Variants in PCDHGA3 observed in about 807,000 individuals in gnomAD.
PCDHGA3 encodes the protein protocadherin gamma-A3.
In PCDHGA3, 40 loss-of-function variants were observed where a neutral mutation model predicts 58.5. That is an observed-to-expected ratio of 0.68 (90% CI 0.53 to 0.89). The LOEUF is 0.89. Among genes scored for constraint, PCDHGA3 ranks in the 40% least tolerant of loss-of-function variants. PCDHGA3 has a pLI of 0.00. For missense variants in PCDHGA3, 1,223 were observed against 1,195.9 expected, an observed-to-expected ratio of 1.02 and a Z score of -0.33; for synonymous variants, 530 against 525.7, an observed-to-expected ratio of 1.01 and a Z score of -0.11.
rs775918752 is a variant in PCDHGA3 at position 141,375,143 on chromosome 5, A to G, written c.2424+28686A>G. On this transcript the variant is annotated intron_variant, in intron 1 of 3. Transcript: ENST00000253812. Reference sequence around the variant, plus strand: ...AGAAGTGGTTGTTACATCTGGAAGCAGAACAATTGCTGAAAGTGCACCTCC... The same window carrying G: ...AGAAGTGGTTGTTACATCTGGAAGCGGAACAATTGCTGAAAGTGCACCTCC... 20 of 1,613,992 alleles carry G rather than the reference A, an allele frequency of 1.2e-5. No homozygotes were observed. The Admixed American group carries it at 2.8e-4, about 23-fold the overall frequency.
intron 3 of PCDHGA3, chr5:141,508,128 T>C (rs1490298338): frequency 6.6e-6 from 1 of 151,706 alleles, no homozygotes; most frequent in African/African-American, 2.4e-5. Context: ...CAGAGGGAGG[T>C]CAGGGAGCTG....
chr5:141,372,154 T>A, intron 1 of PCDHGA3: 1 of 1,613,784 alleles, frequency 6.2e-7, no homozygotes, highest in East Asian at 2.2e-5. Flanking sequence ...CCTGGCTACC[T>A]GGTGACCAAG....
intron 1 of PCDHGA3, chr5:141,417,686 G>A (rs1300052006): frequency 8.4e-6 from 9 of 1,068,196 alleles, no homozygotes; most frequent in South Asian, 1.8e-5. Context: ...CAACAGAAAA[G>A]AAAACCAGCT....
intron 1 of PCDHGA3, chr5:141,404,104 T>C (rs2094485215): frequency 1.2e-6 from 2 of 1,613,640 alleles, no homozygotes; most frequent in East Asian, 2.2e-5. Flanking sequence ...AAGTTGTCTG[T>C]TCTATCCAGG....
chr5:141,489,636 C>T lies in PCDHGA3; in HGVS notation c.2425-5171C>T. On this transcript the variant is annotated intron_variant, in intron 1 of 3. Coordinates refer to ENST00000253812, the MANE Select transcript of PCDHGA3 (RefSeq NM_018916.4). The surrounding 1 kb of genome is among the most constrained non-coding windows in gnomAD (Gnocchi z 4.5). ...TGGATCTCAATGACAACTCTCCTAG[C>T]TTTGCCACCCCTGAGCGAGAGATGC... 1.2e-6 allele frequency: 2 copies of T among 1,614,190 alleles called. No homozygotes were observed. The highest frequency in any genetic ancestry group is 1.7e-6 in the Non-Finnish European group (2 of 1,180,030).
intron 1 of PCDHGA3, chr5:141,427,032 A>G (rs1227315080): frequency 2.2e-6 from 1 of 457,206 alleles, no homozygotes; most frequent in East Asian, 6.9e-5. Flanking sequence ...AGTCAGCCTT[A>G]GAGAGAATGT....
rs375101471 is a variant in PCDHGA3 at position 141,365,778 on chromosome 5, A to G, written c.2424+19321A>G. 86 of 1,613,764 alleles carry G rather than the reference A, an allele frequency of 5.3e-5. No homozygotes were observed. The highest frequency in any genetic ancestry group is 6.9e-5 in the Non-Finnish European group (82 of 1,179,892). ...ACAGCCCATGACCCCGACAGCGGCG[A>G]CAACGCTCGAGTCACCTACTCCCTG... On this transcript the variant is annotated intron_variant, in intron 1 of 3. Coordinates refer to ENST00000253812, the MANE Select transcript of PCDHGA3 (RefSeq NM_018916.4).
rs199698737 is a variant in PCDHGA3, at chr5:141,438,639, C to T, written c.2425-56168C>T. On this transcript the variant is annotated intron_variant, in intron 1 of 3. Transcript: ENST00000253812. ...ATATATATATATATATATATATACA[C>T]ACACACACACACATATATGTATATA... 7.1e-3 allele frequency among the ~76,000 whole-genome samples: 359 copies of T among 50,816 alleles called. 1 individual carries two copies. Among genetic ancestry groups the T allele is most frequent in the South Asian group, 0.017 (27 of 1,588 alleles). The allele number at this position is 50,816 out of a possible 152,430, so 33.3% of individuals were successfully genotyped here.
intron 1 of PCDHGA3, chr5:141,414,994 T>C (rs1390374290): frequency 3.7e-6 from 6 of 1,613,626 alleles, no homozygotes; most frequent in Non-Finnish European, 4.2e-6. Flanking sequence ...CCAGAACGCC[T>C]GGCTGTCCTA....
At chr5:141,388,291 A>G (rs571418912) in intron 1 of PCDHGA3, 114 of 1,613,582 alleles carry the variant, frequency 7.1e-5, no homozygotes, top group Non-Finnish European at 2.5e-6. Context: ...TTCACGCAAA[A>G]TTCCTTTGAG....
At chr5:141,478,884 C>A in intron 1 of PCDHGA3, 1 of 1,194,298 alleles carries the variant, frequency 8.4e-7, no homozygotes, top group Non-Finnish European at 1.1e-6. Flanking sequence ...AGCTTGGTAT[C>A]ATTTACATTA....
chr5:141,457,118 A>G (rs1427146922), intron 1 of PCDHGA3, among the ~76,000 whole-genome samples: 3 of 152,228 alleles, frequency 2.0e-5, no homozygotes, highest in Non-Finnish European at 4.4e-5. Context: ...TACGACAGCA[A>G]TGGAAACTCT....
chr5:141,419,660 A>C (rs759082983), intron 1 of PCDHGA3: 1 of 1,612,798 alleles, frequency 6.2e-7, no homozygotes, highest in Admixed American at 1.7e-5. Context: ...CTCGGGGCAC[A>C]ATGCCTGGCT....
At chr5:141,498,372 C>A (rs1008996197) in intron 2 of PCDHGA3, among the ~76,000 whole-genome samples, 3 of 151,730 alleles carry the variant, frequency 2.0e-5, no homozygotes, top group Admixed American at 1.3e-4. Flanking sequence ...GTGGTGAGGC[C>A]TCCTGGGATC....
At chr5:141,389,424 G>C (rs746873845) in intron 1 of PCDHGA3, 1 of 1,613,390 alleles carries the variant, frequency 6.2e-7, no homozygotes, top group African/African-American at 1.3e-5. Flanking sequence ...GGTGGTGTTC[G>C]CGCAGCGCGC....
rs747671382 is a variant in PCDHGA3 at position 141,444,152 on chromosome 5, A to ATTTTTTTTTT, written c.2425-50628_2425-50619dup. 1.8e-4 allele frequency among the ~76,000 whole-genome samples: 6 copies of ATTTTTTTTTT among 33,898 alleles called. 2 individuals are homozygous for ATTTTTTTTTT. Among genetic ancestry groups the ATTTTTTTTTT allele is most frequent in the Non-Finnish European group, 3.1e-4 (6 of 19,312 alleles). The allele number at this position is 33,898 out of a possible 152,430, so 22.2% of individuals were successfully genotyped here. A position where few individuals can be genotyped will look rare whatever the true frequency, so the allele number is the denominator to read the frequency against. On this transcript the variant is annotated intron_variant, in intron 1 of 3. Coordinates refer to ENST00000253812, the MANE Select transcript of PCDHGA3 (RefSeq NM_018916.4). ...GATATGTGTCACTTGTGTGTACTGG[A>ATTTTTTTTTT]TTTTTTTTTTTTTTTTTTTTTTTTT...
chr5:141,485,625 G>A lies in PCDHGA3; in HGVS notation c.2425-9182G>A, dbSNP rs1458191111. On this transcript the variant is annotated intron_variant, in intron 1 of 3. Coordinates refer to ENST00000253812, the MANE Select transcript of PCDHGA3 (RefSeq NM_018916.4). This position sits in a 1 kb window ranked among gnomAD's most constrained non-coding sequence, Gnocchi z 5.7. ...GGGGAGGCAGCTCCTCCAGGACAGC[G>A]TTTCCCGTTGGAAAAGGCTCAGGAT... is the stretch of plus-strand genomic sequence containing the variant. The A allele has an allele frequency of 1.2e-6, 2 of 1,611,968 alleles. No homozygotes were observed. The highest frequency in any genetic ancestry group is 3.3e-5 in the Admixed American group (2 of 59,916).
At chr5:141,372,809 G>T in intron 1 of PCDHGA3, 3 of 1,587,730 alleles carry the variant, frequency 1.9e-6, no homozygotes, top group Non-Finnish European at 2.6e-6. Context: ...ATTTGCAAAA[G>T]GTGAGTTTCT....
intron 1 of PCDHGA3, chr5:141,375,263 T>C (rs200233213): frequency 1.2e-6 from 2 of 1,613,828 alleles, no homozygotes; most frequent in Non-Finnish European, 1.7e-6. Context: ...CCCATTTGAA[T>C]TGGAAAAATC....
Sources: gnomAD v4.1 joint callset for allele counts (sites outside exome capture counted in the v4.1 genomes callset) on GRCh38, gnomAD v4.1.1 for gene constraint, Gnocchi (gnomAD v3.1) non-coding constraint, MANE v1.5 for transcripts, NCBI Gene and HGNC (gene_info 2026-07-23, HGNC 2026-07-21) for gene names.